Variants in TRAPPC9 observed in about 807,000 individuals in gnomAD.
TRAPPC9 encodes trafficking protein particle complex subunit 9.
In TRAPPC9, 83 loss-of-function variants were observed where a neutral mutation model predicts 124.0. That is an observed-to-expected ratio of 0.67 (90% CI 0.56 to 0.80). The LOEUF (loss-of-function observed/expected upper bound fraction) is 0.80, where lower values mean the gene tolerates loss of function less well. TRAPPC9 is among the 30% of genes least tolerant of loss of function. The pLI is 0.00. For synonymous variants in TRAPPC9, 638 were observed against 617.5 expected, an observed-to-expected ratio of 1.03 and a Z score of -0.49; for missense variants, 1,302 against 1,508.3, an observed-to-expected ratio of 0.86 and a Z score of 2.27.
intron 19 of TRAPPC9, among the ~76,000 whole-genome samples, chr8:139,942,538 C>A (rs1478087631): frequency 6.6e-6 from 1 of 152,192 alleles, no homozygotes; most frequent in African/African-American, 2.4e-5. Flanking sequence ...GTTCCACAGT[C>A]AGATAAACTG....
At chr8:140,377,842 C>A (rs924775767) in intron 7 of TRAPPC9, among the ~76,000 whole-genome samples, 8 of 152,090 alleles carry the variant, frequency 5.3e-5, no homozygotes, top group Non-Finnish European at 8.8e-5. Flanking sequence ...CACCTGTAAT[C>A]CCAGCTACTT....
rs535519999 is a variant in TRAPPC9 at position 139,991,523 on chromosome 8, C to T, written c.2700-2687G>A. On this transcript the variant is annotated intron_variant, in intron 18 of 22. Coordinates refer to ENST00000438773, the MANE Select transcript of TRAPPC9 (RefSeq NM_001160372.4). ...GTACCTTTCCATATGGCTTTGGATGCTTGGTTTTAAGGCTGATGCTCTGAG... is the reference window on the plus strand; with the variant it reads ...GTACCTTTCCATATGGCTTTGGATGTTTGGTTTTAAGGCTGATGCTCTGAG... Among the ~76,000 whole-genome samples, 3 of 151,336 alleles carry T rather than the reference C, an allele frequency of 2.0e-5. No homozygotes were observed. The East Asian group carries it at 5.8e-4, about 29-fold the overall frequency.
intron 19 of TRAPPC9, among the ~76,000 whole-genome samples, chr8:139,921,735 C>T (rs1217030794): frequency 6.0e-5 from 5 of 83,682 alleles, no homozygotes; most frequent in East Asian, 2.9e-4. Flanking sequence ...ACAGAGGGGC[C>T]GGGGGAGGGA....
At chr8:139,878,932 A>C (rs2131078943) in intron 21 of TRAPPC9, among the ~76,000 whole-genome samples, 1 of 152,362 alleles carries the variant, frequency 6.6e-6, no homozygotes. Flanking sequence ...CCTGAGCGAT[A>C]AGCAGGAGCC....
intron 19 of TRAPPC9, among the ~76,000 whole-genome samples, chr8:139,960,420 A>C (rs1030198942): frequency 2.0e-5 from 3 of 152,180 alleles, no homozygotes; most frequent in African/African-American, 4.8e-5. Context: ...CCCGTGTTCC[A>C]GAGCCCTCTC....
chr8:140,133,434 A>G (rs778398526), intron 17 of TRAPPC9, among the ~76,000 whole-genome samples: 1 of 152,240 alleles, frequency 6.6e-6, no homozygotes, highest in African/African-American at 2.4e-5. Context: ...AAGGGTATCT[A>G]TGAAAAACCC....
At chr8:140,450,722 A>T in intron 2 of TRAPPC9, 68 bp downstream of exon 2, 2 of 1,239,198 alleles carry the variant, frequency 1.6e-6, no homozygotes, top group Non-Finnish European at 2.3e-6. Context: ...CTGCAATGAA[A>T]TTCTGCCCTG....
chr8:140,283,264 T>C (rs1303946779), intron 14 of TRAPPC9, among the ~76,000 whole-genome samples: 2 of 146,630 alleles, frequency 1.4e-5, no homozygotes, highest in African/African-American at 5.0e-5. Context: ...AATTAAAATA[T>C]AATATAATAT....
intron 17 of TRAPPC9, among the ~76,000 whole-genome samples, chr8:140,193,647 G>C (rs894932871): frequency 9.8e-6 from 1 of 101,532 alleles, no homozygotes; most frequent in African/African-American, 4.6e-5. Context: ...AAAAAAAAAA[G>C]CTTGGTTGGT....
intron 19 of TRAPPC9, among the ~76,000 whole-genome samples, chr8:139,969,788 C>A (rs1835943503): frequency 6.6e-6 from 1 of 152,240 alleles, no homozygotes; most frequent in Non-Finnish European, 1.5e-5. Flanking sequence ...TTGTGTCTAT[C>A]TTGGGGAGTT....
At chr8:140,295,090 T>C (rs1210576812) in intron 11 of TRAPPC9, among the ~76,000 whole-genome samples, 1 of 152,186 alleles carries the variant, frequency 6.6e-6, no homozygotes, top group Non-Finnish European at 1.5e-5. Flanking sequence ...GGACACACTG[T>C]GCATGCTGTC....
chr8:140,360,072 C>A lies in TRAPPC9; in HGVS notation c.1473G>T (p.Met491Ile). ...VRHLSFLLQT[M>I]LDFLSDQEKK... is the part of the protein sequence containing the mutation. Reference sequence around the variant, plus strand: ...CACCCTGATCCGACAAGAAGTCCAGCATGGTCTGTAGAAGGAAGGACAGGT... The same window carrying A: ...CACCCTGATCCGACAAGAAGTCCAGAATGGTCTGTAGAAGGAAGGACAGGT... Residue 491 changes from methionine to isoleucine, a missense_variant, in exon 9 of 23, where the codon ATG becomes ATT. By Grantham distance (10) the Met-to-Ile change is conservative. Coordinates refer to ENST00000438773, the MANE Select transcript of TRAPPC9 (RefSeq NM_001160372.4). 1 of 1,614,158 alleles carries A rather than the reference C, an allele frequency of 6.2e-7. No homozygotes were observed. The highest frequency in any genetic ancestry group is 8.5e-7 in the Non-Finnish European group (1 of 1,180,022).
intron 17 of TRAPPC9, chr8:140,082,117 G>A (rs1314995338): frequency 6.6e-6 from 1 of 152,176 alleles, no homozygotes; most frequent in African/African-American, 2.4e-5. Context: ...GCTTTAAAAT[G>A]TTTTGACCCA....
intron 18 of TRAPPC9, among the ~76,000 whole-genome samples, chr8:139,989,656 A>T (rs1160965411): frequency 2.6e-5 from 4 of 152,078 alleles, no homozygotes; most frequent in Non-Finnish European, 5.9e-5. Context: ...AGGGACAAAA[A>T]CCACAGGCTG....
intron 21 of TRAPPC9, among the ~76,000 whole-genome samples, chr8:139,770,206 C>T (rs1296734266): frequency 6.6e-6 from 1 of 152,238 alleles, no homozygotes; most frequent in African/African-American, 2.4e-5. Flanking sequence ...CAGCCTGGCT[C>T]AGAGGGCAGT....
At chr8:140,248,315 G>C (rs567492366) in intron 16 of TRAPPC9, among the ~76,000 whole-genome samples, 1 of 152,306 alleles carries the variant, frequency 6.6e-6, no homozygotes, top group Non-Finnish European at 1.5e-5. Context: ...CACAGGTGAG[G>C]CTTTGTTCTA....
At chr8:140,262,111 T>C (rs939554081) in intron 15 of TRAPPC9, among the ~76,000 whole-genome samples, 1 of 152,192 alleles carries the variant, frequency 6.6e-6, no homozygotes, top group East Asian at 1.9e-4. Context: ...GAAGTGGGTA[T>C]AGCCAGGATT....
intron 19 of TRAPPC9, among the ~76,000 whole-genome samples, chr8:139,926,320 A>T (rs1832813627): frequency 6.6e-6 from 1 of 152,154 alleles, no homozygotes; most frequent in African/African-American, 2.4e-5. Flanking sequence ...GAGGCTCCCA[A>T]GAGAACCCAC....
At chr8:139,985,544 C>A (rs939403559) in intron 19 of TRAPPC9, among the ~76,000 whole-genome samples, 1 of 152,128 alleles carries the variant, frequency 6.6e-6, no homozygotes, top group Non-Finnish European at 1.5e-5. Flanking sequence ...CACACAGAAG[C>A]ATACACCAGC....
Sources: allele counts gnomAD v4.1 joint callset (sites outside exome capture counted in the v4.1 genomes callset), GRCh38; gene constraint gnomAD v4.1.1; transcripts MANE v1.5; gene names NCBI Gene and HGNC (gene_info 2026-07-23, HGNC 2026-07-21).